Variants in ST6GAL1 observed in about 807,000 individuals in gnomAD.
The protein encoded by ST6GAL1 is beta-galactoside alpha-2,6-sialyltransferase 1.
Under a neutral mutation model 38.0 loss-of-function variants are expected in ST6GAL1, and 20 were observed. That is an observed-to-expected ratio of 0.53 (90% CI 0.37 to 0.77). The LOEUF (loss-of-function observed/expected upper bound fraction) is 0.77, where lower values mean the gene tolerates loss of function less well. Ranked by LOEUF, ST6GAL1 falls within the 30% of genes least tolerant of loss-of-function variation. The pLI is 0.00. For synonymous variants in ST6GAL1, 196 were observed against 188.2 expected, an observed-to-expected ratio of 1.04 and a Z score of -0.34; for missense variants, 432 against 496.4, an observed-to-expected ratio of 0.87 and a Z score of 1.23.
rs1187677221 is a variant in ST6GAL1, at chr3:187,077,296, C to T, written c.*1493C>T. The T allele has an allele frequency of 4.1e-6, 1 of 246,440 alleles. No homozygotes were observed. Among genetic ancestry groups the T allele is most frequent in the African/African-American group, 2.2e-5 (1 of 44,736 alleles). 15.3% of individuals were successfully genotyped at this position (246,440 alleles called of 1,614,324 possible). The stretch of plus-strand genomic sequence containing the variant: ...AGTCCCCTCTCCCTGATAGGGAATC[C>T]TGCTGGACCAGCGCAGCCCTGGTGT... On this transcript the variant is annotated 3_prime_UTR_variant, in exon 8 of 8. Coordinates refer to ENST00000169298, the MANE Select transcript of ST6GAL1 (RefSeq NM_173216.2).
intron 1 of ST6GAL1, among the ~76,000 whole-genome samples, chr3:186,946,374 T>A (rs1379322015): frequency 6.6e-6 from 1 of 150,592 alleles, no homozygotes; most frequent in Non-Finnish European, 1.5e-5. Context: ...ATTTTACTTT[T>A]AAAAAACTTA....
intron 2 of ST6GAL1, among the ~76,000 whole-genome samples, chr3:187,027,042 C>CT (rs1197695309): frequency 9.9e-5 from 15 of 151,142 alleles, no homozygotes; most frequent in Admixed American, 8.6e-4. Context: ...GAGGGAGACT[C>CT]TGTCTCCAAA....
At chr3:186,998,820 C>G (rs926228826) in intron 2 of ST6GAL1, among the ~76,000 whole-genome samples, 1 of 152,224 alleles carries the variant, frequency 6.6e-6, no homozygotes, top group Non-Finnish European at 1.5e-5. Context: ...CCACATCTGG[C>G]TAGTGGCTGT....
chr3:186,984,139 TTC>T (rs141781297), intron 2 of ST6GAL1, among the ~76,000 whole-genome samples: 2 of 152,006 alleles, frequency 1.3e-5, no homozygotes, highest in East Asian at 1.9e-4. Flanking sequence ...TCCTTGACTC[TTC>T]TCTCTCTCAC....
intron 2 of ST6GAL1, among the ~76,000 whole-genome samples, chr3:187,007,715 G>C (rs1287815129): frequency 6.6e-6 from 1 of 152,188 alleles, no homozygotes; most frequent in East Asian, 1.9e-4. Flanking sequence ...TCAATAGGCA[G>C]TAACACTGAA....
chr3:186,945,834 C>G (rs979029441), intron 1 of ST6GAL1, among the ~76,000 whole-genome samples: 2 of 148,758 alleles, frequency 1.3e-5, no homozygotes, highest in Non-Finnish European at 3.0e-5. Flanking sequence ...AAAAAAAATA[C>G]AAAAAAATTA....
intron 2 of ST6GAL1, chr3:187,006,111 C>T (rs2108555720): frequency 6.6e-6 from 1 of 152,186 alleles, no homozygotes; most frequent in East Asian, 1.9e-4. Context: ...CTGGGACAGC[C>T]TAAGGAATTT....
intron 2 of ST6GAL1, among the ~76,000 whole-genome samples, chr3:186,993,318 C>T (rs1290889635): frequency 1.3e-5 from 2 of 152,192 alleles, no homozygotes; most frequent in African/African-American, 4.8e-5. Flanking sequence ...CAGAATGACC[C>T]GATGGAGTTA....
chr3:186,946,018 C>A (rs4686816), intron 1 of ST6GAL1, among the ~76,000 whole-genome samples: 112,170 of 136,300 alleles, frequency 0.82, 47,176 homozygotes, highest in Non-Finnish European at 0.91. Flanking sequence ...AGAAGGGTAC[C>A]TTTTCTGGCC....
At chr3:186,988,471 T>C (rs1716033249) in intron 2 of ST6GAL1, among the ~76,000 whole-genome samples, 1 of 149,564 alleles carries the variant, frequency 6.7e-6, no homozygotes. Context: ...AAGGACTGAG[T>C]GAGGAAAGAC....
chr3:187,072,608 A>T (rs965199114), intron 5 of ST6GAL1: 18 of 451,182 alleles, frequency 4.0e-5, no homozygotes, highest in Middle Eastern at 6.7e-4. Flanking sequence ...TCAAAGCCTG[A>T]CTGGATGGAA....
intron 2 of ST6GAL1, among the ~76,000 whole-genome samples, chr3:186,987,200 G>GAGGGA (rs1553821932): frequency 0.029 from 4,044 of 138,684 alleles, 102 homozygotes; most frequent in Admixed American, 0.068. Flanking sequence ...GGGAGGGAGG[G>GAGGGA]AAGGAAAGAA....
intron 5 of ST6GAL1, among the ~76,000 whole-genome samples, chr3:187,058,751 C>G (rs925379946): frequency 6.6e-6 from 1 of 152,040 alleles, no homozygotes; most frequent in East Asian, 1.9e-4. Flanking sequence ...AAGCGATCCT[C>G]TTGCCTCAGC....
intron 2 of ST6GAL1, among the ~76,000 whole-genome samples, chr3:186,981,490 G>A (rs376887763): frequency 1.3e-5 from 2 of 152,318 alleles, no homozygotes; most frequent in African/African-American, 4.8e-5. Context: ...CTACTGCCTT[G>A]TACCGTGGGT....
intron 2 of ST6GAL1, among the ~76,000 whole-genome samples, chr3:187,019,557 G>A (rs1717226743): frequency 6.6e-6 from 1 of 152,220 alleles, no homozygotes; most frequent in African/African-American, 2.4e-5. Context: ...TATGGCAGAA[G>A]GAGCAAACTT....
intron 5 of ST6GAL1, among the ~76,000 whole-genome samples, chr3:187,068,323 C>CA (rs1719242334): frequency 7.4e-6 from 1 of 135,914 alleles, no homozygotes; most frequent in African/African-American, 2.9e-5. Context: ...GCCTGGGCAA[C>CA]AGAGCGAGAC....
intron 2 of ST6GAL1, among the ~76,000 whole-genome samples, chr3:186,999,761 G>T (rs1716552773): frequency 6.6e-6 from 1 of 152,124 alleles, no homozygotes; most frequent in Non-Finnish European, 1.5e-5. Context: ...CCATGTGCGT[G>T]CTCTGGGGGC....
rs763013682 is a variant in ST6GAL1, at chr3:187,067,081, C to CTTTTTT, written c.706-5747_706-5742dup. ...GCAATCTTCTTTTCTTTCTTTCTTT[C>CTTTTTT]TTTTTTTTTTTTTTTTTTTTTTTTT... On this transcript the variant is annotated intron_variant, in intron 5 of 7. Coordinates refer to ENST00000169298, the MANE Select transcript of ST6GAL1 (RefSeq NM_173216.2). 1.3e-3 allele frequency among the ~76,000 whole-genome samples: 123 copies of CTTTTTT among 93,060 alleles called. 14 individuals are homozygous for CTTTTTT. The highest frequency in any genetic ancestry group is 3.4e-3 in the South Asian group (8 of 2,328). The allele number at this position is 93,060 out of a possible 152,430, so 61.1% of individuals were successfully genotyped here.
chr3:187,004,211 A>G (rs1716710031), intron 2 of ST6GAL1, among the ~76,000 whole-genome samples: 1 of 152,228 alleles, frequency 6.6e-6, no homozygotes, highest in African/African-American at 2.4e-5. Context: ...CCTCCCCGGC[A>G]AGTGAGCAGA....
Sources: gnomAD v4.1 joint callset for allele counts (sites outside exome capture counted in the v4.1 genomes callset) on GRCh38, gnomAD v4.1.1 for gene constraint, MANE v1.5 for transcripts, NCBI Gene and HGNC (gene_info 2026-07-23, HGNC 2026-07-21) for gene names.